CACNA1E: variants seen among roughly 807,000 people sequenced by gnomAD.
CACNA1E encodes the protein voltage-dependent R-type calcium channel subunit alpha-1E.
Under a neutral mutation model 259.2 loss-of-function variants are expected in CACNA1E, and 40 were observed. The ratio of observed to expected loss-of-function variants is 0.15; its 90% CI spans 0.12 to 0.20. The LOEUF (loss-of-function observed/expected upper bound fraction) is 0.20. CACNA1E is among the 10% of genes least tolerant of loss of function. The pLI, the probability that CACNA1E is intolerant of heterozygous loss-of-function variation, is 1.00. For missense variants in CACNA1E, 1,874 were observed against 3,040.1 expected, an observed-to-expected ratio of 0.62 and a Z score of 9.02; for synonymous variants, 1,104 against 1,138.5, an observed-to-expected ratio of 0.97 and a Z score of 0.61.
chr1:181,546,271 C>T (rs1426045915), intron 3 of CACNA1E, among the ~76,000 whole-genome samples: 1 of 152,148 alleles, frequency 6.6e-6, no homozygotes, highest in Non-Finnish European at 1.5e-5. Flanking sequence ...GCCCTGGGCT[C>T]TTGCTAGCTT....
intron 7 of CACNA1E, among the ~76,000 whole-genome samples, chr1:181,655,898 C>T (rs1659167925): frequency 6.9e-6 from 1 of 145,120 alleles, no homozygotes; most frequent in African/African-American, 2.4e-5. Context: ...ACATTTCAGT[C>T]AATGACTGAT....
chr1:181,365,476 C>A (rs528227912), intron 1 of CACNA1E, among the ~76,000 whole-genome samples: 1 of 152,360 alleles, frequency 6.6e-6, no homozygotes, highest in Non-Finnish European at 1.5e-5. Context: ...CTGGCCGATC[C>A]TAGCCTTTGA....
intron 47 of CACNA1E, among the ~76,000 whole-genome samples, chr1:181,797,152 G>A (rs1238551122): frequency 2.0e-5 from 3 of 152,294 alleles, no homozygotes; most frequent in Middle Eastern, 3.4e-3. Flanking sequence ...AGATTTTGGA[G>A]GAGAGGATGG....
intron 34 of CACNA1E, among the ~76,000 whole-genome samples, chr1:181,765,956 G>A (rs1658986599): frequency 6.6e-6 from 1 of 152,156 alleles, no homozygotes; most frequent in South Asian, 2.1e-4. Flanking sequence ...GTTTTTTGGT[G>A]GCTAACTTAC....
chr1:181,614,170 C>T (rs952580544), intron 6 of CACNA1E, among the ~76,000 whole-genome samples: 3 of 152,136 alleles, frequency 2.0e-5, no homozygotes, highest in African/African-American at 4.8e-5. Flanking sequence ...TACCTGCTGA[C>T]GTAGCTGCTA....
chr1:181,344,297 G>C (rs1029821654), intron 1 of CACNA1E, among the ~76,000 whole-genome samples: 1 of 152,134 alleles, frequency 6.6e-6, no homozygotes, highest in African/African-American at 2.4e-5. Flanking sequence ...TACATCAAAC[G>C]TACTTCCGTA....
intron 1 of CACNA1E, among the ~76,000 whole-genome samples, chr1:181,491,918 A>C (rs1442444923): frequency 6.6e-6 from 1 of 152,192 alleles, no homozygotes; most frequent in African/African-American, 2.4e-5. Context: ...TATTGCCCTG[A>C]CCAGGACCTG....
intron 2 of CACNA1E, among the ~76,000 whole-genome samples, chr1:181,429,657 A>G (rs563454470): frequency 2.6e-5 from 4 of 152,152 alleles, no homozygotes; most frequent in African/African-American, 7.2e-5. Context: ...TATGATTATT[A>G]CTCATGTTTG....
At chr1:181,487,222 G>A (rs1663907660) in intron 1 of CACNA1E, among the ~76,000 whole-genome samples, 2 of 152,164 alleles carry the variant, frequency 1.3e-5, no homozygotes, top group African/African-American at 4.8e-5. Flanking sequence ...TCTATGTGCC[G>A]CATTAGTGGT....
At chr1:181,556,308 G>A (rs1648717837) in intron 3 of CACNA1E, among the ~76,000 whole-genome samples, 1 of 152,210 alleles carries the variant, frequency 6.6e-6, no homozygotes, top group African/African-American at 2.4e-5. Flanking sequence ...CTGACCCCAG[G>A]ACAGCAATTT....
intron 35 of CACNA1E, among the ~76,000 whole-genome samples, chr1:181,769,325 T>C (rs537660965): frequency 3.6e-4 from 54 of 150,210 alleles, no homozygotes; most frequent in Non-Finnish European, 6.1e-4. Context: ...AGGTTTAAGT[T>C]AGTGACAAGG....
At chr1:181,394,094 C>T (rs905658082) in intron 1 of CACNA1E, among the ~76,000 whole-genome samples, 1 of 152,036 alleles carries the variant, frequency 6.6e-6, no homozygotes, top group African/African-American at 2.4e-5. Flanking sequence ...TCTCAGGGGA[C>T]GGTTGGTTGC....
At position 181,665,734 on chromosome 1, in the gene CACNA1E, T is replaced by C. The variant is rs78733583; in HGVS notation, c.1055+14293T>C. Among the ~76,000 whole-genome samples, 1,457 of 152,172 alleles carry C rather than the reference T, an allele frequency of 9.6e-3. 28 individuals carry two copies. Among genetic ancestry groups the C allele is most frequent in the African/African-American group, 0.034 (1,394 of 41,528 alleles). Reference sequence around the variant, plus strand: ...GATTGTACCCCATAAATATGTACAATTACAATGTGCCAATTAAAAAATAAA... The same window carrying C: ...GATTGTACCCCATAAATATGTACAACTACAATGTGCCAATTAAAAAATAAA... On this transcript the variant is annotated intron_variant, in intron 7 of 47. Coordinates refer to ENST00000367573, the MANE Select transcript of CACNA1E (RefSeq NM_001205293.3).
At chr1:181,528,151 G>C (rs953926867) in intron 3 of CACNA1E, among the ~76,000 whole-genome samples, 33 of 150,828 alleles carry the variant, frequency 2.2e-4, no homozygotes, top group South Asian at 4.2e-4. Context: ...CCGGGGTGGG[G>C]GGGGCAGTAA....
At chr1:181,559,954 A>G (rs1417784478) in intron 3 of CACNA1E, among the ~76,000 whole-genome samples, 2 of 152,242 alleles carry the variant, frequency 1.3e-5, no homozygotes, top group Non-Finnish European at 2.9e-5. Context: ...AGCTTTTAGG[A>G]GACTTCAGTC....
At chr1:181,673,341 G>A (rs923016303) in intron 7 of CACNA1E, among the ~76,000 whole-genome samples, 4 of 152,154 alleles carry the variant, frequency 2.6e-5, no homozygotes, top group African/African-American at 9.7e-5. Context: ...AAATTCCGTA[G>A]GTGGAGAAGC....
At chr1:181,571,275 G>T (rs752196816) in intron 3 of CACNA1E, among the ~76,000 whole-genome samples, 2 of 152,226 alleles carry the variant, frequency 1.3e-5, no homozygotes, top group Non-Finnish European at 2.9e-5. Context: ...ACTGAAGAGC[G>T]TGTGCCTTAT....
At position 181,803,187 on chromosome 1, in the gene CACNA1E, T is replaced by C. The variant is rs557507523; in HGVS notation, c.*4353T>C. 2 of 152,282 alleles carry C rather than the reference T, an allele frequency of 1.3e-5. No homozygotes were observed. The highest frequency in any genetic ancestry group is 2.1e-4 in the South Asian group (1 of 4,828). The allele number at this position is 152,282 out of a possible 1,614,324, so 9.4% of individuals were successfully genotyped here. On this transcript the variant is annotated 3_prime_UTR_variant, in exon 48 of 48. Coordinates refer to ENST00000367573, the MANE Select transcript of CACNA1E (RefSeq NM_001205293.3). ...ACCCAGCCTACAAGTCCTTCTCTCA[T>C]AGATCCCAGAGCAATGGGCACCGTC...
rs149505688 is a variant in CACNA1E at position 181,618,643 on chromosome 1, G to C, written c.952-32695G>C. 4.0e-3 allele frequency among the ~76,000 whole-genome samples: 607 copies of C among 152,278 alleles called. 5 individuals are homozygous for C. Among genetic ancestry groups the C allele is most frequent in the African/African-American group, 0.014 (569 of 41,556 alleles). On this transcript the variant is annotated intron_variant, in intron 6 of 47. Transcript: ENST00000367573. ...GAAGTGTCCTCATCCATATTTTATAGACAATACAATTGAAATCCAGAGATG... is the reference window on the plus strand; with the variant it reads ...GAAGTGTCCTCATCCATATTTTATACACAATACAATTGAAATCCAGAGATG...
Sources: gnomAD v4.1 joint callset for allele counts (sites outside exome capture counted in the v4.1 genomes callset) on GRCh38, gnomAD v4.1.1 for gene constraint, MANE v1.5 for transcripts, NCBI Gene and HGNC (gene_info 2026-07-23, HGNC 2026-07-21) for gene names.